Variants in CERS5 observed in about 807,000 individuals in gnomAD.
CERS5 encodes the protein ceramide synthase 5, also known as LAG1 homolog, ceramide synthase 5.
In CERS5, 37 loss-of-function variants were observed where a neutral mutation model predicts 58.9. That is an observed-to-expected ratio of 0.63 (90% CI 0.48 to 0.83). The LOEUF (loss-of-function observed/expected upper bound fraction) is 0.83, where lower values mean the gene tolerates loss of function less well. Among genes scored for constraint, CERS5 ranks in the 40% least tolerant of loss-of-function variants. CERS5 has a pLI of 0.00. For missense variants in CERS5, 398 were observed against 489.3 expected (o/e 0.81, Z 1.76); for synonymous variants, 147 against 177.8 (o/e 0.83, Z 1.38).
chr12:50,133,009 AAGG>A (rs1951420884), intron 9 of CERS5: 2 of 1,289,038 alleles, frequency 1.6e-6, no homozygotes, highest in Non-Finnish European at 2.0e-6. Flanking sequence ...AGAAAAAAGG[AAGG>A]AGGTGAGGAA....
intron 5 of CERS5, 138 bp from the exon 6 acceptor site, chr12:50,137,958 T>C (rs893294982): frequency 3.1e-6 from 2 of 639,936 alleles, no homozygotes; most frequent in South Asian, 1.7e-5. Flanking sequence ...AGATATGCAA[T>C]AGCTAACAGA....
intron 4 of CERS5, among the ~76,000 whole-genome samples, chr12:50,140,394 G>A (rs12306038): frequency 0.011 from 1,550 of 142,924 alleles, 31 homozygotes; most frequent in African/African-American, 0.038. Context: ...AGCGATTCTC[G>A]TGCCTCAGCC....
chr12:50,139,485 A>AAAAAC (rs777426596), intron 4 of CERS5, among the ~76,000 whole-genome samples: 92 of 151,776 alleles, frequency 6.1e-4, no homozygotes, highest in Admixed American at 3.7e-3. Flanking sequence ...CCTGTCTTTA[A>AAAAAC]AAAACAAAAC....
chr12:50,148,060 T>C (rs1438731843), intron 1 of CERS5, among the ~76,000 whole-genome samples: 1 of 152,056 alleles, frequency 6.6e-6, no homozygotes, highest in Non-Finnish European at 1.5e-5. Context: ...CCTAGCACTT[T>C]GGGAGACTGA....
chr12:50,151,033 A>ATC (rs1488267957), intron 1 of CERS5, among the ~76,000 whole-genome samples: 1 of 152,056 alleles, frequency 6.6e-6, no homozygotes, highest in East Asian at 1.9e-4. Context: ...TCCTTCTATT[A>ATC]TCTTCAGCCT....
intron 5 of CERS5, 46 bp downstream of exon 5, chr12:50,138,521 C>T: frequency 6.6e-7 from 1 of 1,525,214 alleles, no homozygotes; most frequent in Non-Finnish European, 9.1e-7. Flanking sequence ...CTCACTCCAC[C>T]TTATACACAT....
intron 1 of CERS5, among the ~76,000 whole-genome samples, chr12:50,146,189 T>C (rs886921720): frequency 1.3e-5 from 2 of 152,150 alleles, no homozygotes; most frequent in Admixed American, 6.6e-5. Flanking sequence ...TACATACCCA[T>C]AGAATGGAGA....
intron 1 of CERS5, among the ~76,000 whole-genome samples, chr12:50,161,055 G>A (rs1939219994): frequency 6.6e-6 from 1 of 152,198 alleles, no homozygotes; most frequent in South Asian, 2.1e-4. Context: ...CAGGGCATCT[G>A]AGTGGACAAG....
chr12:50,135,024 G>A (rs1459806972), intron 8 of CERS5, among the ~76,000 whole-genome samples: 1 of 151,354 alleles, frequency 6.6e-6, no homozygotes, highest in Non-Finnish European at 1.5e-5. Flanking sequence ...AGCTCCTCAG[G>A]CACATATAGG....
chr12:50,162,398 A>T (rs1939406821), intron 1 of CERS5, among the ~76,000 whole-genome samples: 1 of 152,076 alleles, frequency 6.6e-6, no homozygotes, highest in African/African-American at 2.4e-5. Context: ...AAGCTGAAGG[A>T]TGTTTCTAAG....
At chr12:50,134,344 A>G in intron 9 of CERS5, 2 of 1,392,232 alleles carry the variant, frequency 1.4e-6, no homozygotes, top group Non-Finnish European at 1.9e-6. Flanking sequence ...ACTGAACTCC[A>G]GCCTGGGTGA....
Position 50,161,652 on chromosome 12 carries a change from C to T in CERS5, c.197+5449G>A, listed in dbSNP as rs117253292. Among the ~76,000 whole-genome samples the T allele has an allele frequency of 2.2e-3, 328 of 151,708 alleles. 8 individuals carry two copies. The East Asian group carries it at 0.056, about 26-fold the overall frequency. On this transcript the variant is annotated intron_variant, in intron 1 of 9. Transcript: ENST00000317551. ...ATTAGCTGGCTGTGGTAGTGTATGC[C>T]TGTACTGCTAGCTACTCAAGAGGCT...
chr12:50,144,963 G>A (rs1370797883), intron 1 of CERS5: 7 of 354,020 alleles, frequency 2.0e-5, no homozygotes, highest in Admixed American at 8.5e-5. Flanking sequence ...GTGAAACCCC[G>A]TCTCTACTAA....
chr12:50,163,960 A>ATT (rs34267480), intron 1 of CERS5, among the ~76,000 whole-genome samples: 56 of 134,962 alleles, frequency 4.1e-4, no homozygotes, highest in Non-Finnish European at 5.9e-4. Flanking sequence ...AGCCTCTACA[A>ATT]TTTTTTTTTT....
intron 1 of CERS5, among the ~76,000 whole-genome samples, chr12:50,151,795 A>C (rs2138180901): frequency 6.6e-6 from 1 of 152,180 alleles, no homozygotes; most frequent in Admixed American, 6.5e-5. Flanking sequence ...ACAAGTGCCC[A>C]CCACCACACC....
At position 50,144,033 on chromosome 12, in the gene CERS5, G is replaced by C. The variant is rs747768230; in HGVS notation, c.222C>G (p.Leu74=). ...GACCACTGTCCTCGATGCCAATACAGAGTGCACAGGGTTTGGCAATAAATC... is the reference window on the plus strand; with the variant it reads ...GACCACTGTCCTCGATGCCAATACACAGTGCACAGGGTTTGGCAATAAATC... ...FERFIAKPCA[L]CIGIEDSGPY... is the part of the protein sequence containing the mutation. The change falls in exon 2 of 10, where the codon CTC becomes CTG. Residue 74 remains leucine, a synonymous_variant. Transcript: ENST00000317551. 1 of 1,610,966 alleles carries C rather than the reference G, an allele frequency of 6.2e-7. No individual in the cohort carries two copies. The highest frequency in any genetic ancestry group is 8.5e-7 in the Non-Finnish European group (1 of 1,177,202).
intron 1 of CERS5, among the ~76,000 whole-genome samples, chr12:50,155,261 A>G (rs1938439152): frequency 6.6e-6 from 1 of 152,158 alleles, no homozygotes; most frequent in Non-Finnish European, 1.5e-5. Context: ...GTAATTTTTA[A>G]AAGTGAAAAA....
chr12:50,140,209 A>G (rs750745878), intron 4 of CERS5, among the ~76,000 whole-genome samples: 2 of 151,822 alleles, frequency 1.3e-5, no homozygotes, highest in Admixed American at 6.6e-5. Context: ...AGCATGATTC[A>G]ATTAAAAATA....
At chr12:50,133,440 T>G in intron 9 of CERS5, 1 of 1,003,426 alleles carries the variant, frequency 1.0e-6, no homozygotes, top group Non-Finnish European at 1.2e-6. Flanking sequence ...CATACACTAG[T>G]GGGGTGAGGT....
Sources: gnomAD v4.1 joint callset for allele counts (sites outside exome capture counted in the v4.1 genomes callset) on GRCh38, gnomAD v4.1.1 for gene constraint, MANE v1.5 for transcripts, NCBI Gene and HGNC (gene_info 2026-07-23, HGNC 2026-07-21) for gene names.